The following SLC5A11 variants were observed in gnomAD, a reference collection of about 807,000 sequenced individuals.
SLC5A11 encodes sodium/myo-inositol cotransporter 2.
SLC5A11 carries 48 observed loss-of-function variants against 69.8 expected under a neutral mutation model. The observed-to-expected ratio is 0.69, with a 90% confidence interval of 0.55 to 0.87. The LOEUF (loss-of-function observed/expected upper bound fraction) is 0.87, where lower values mean the gene tolerates loss of function less well. Among genes scored for constraint, SLC5A11 ranks in the 40% least tolerant of loss-of-function variants. The pLI, the probability that SLC5A11 is intolerant of heterozygous loss-of-function variation, is 0.00. For synonymous variants in SLC5A11, 319 were observed against 342.4 expected, an observed-to-expected ratio of 0.93 and a Z score of 0.75; for missense variants, 784 against 866.1, an observed-to-expected ratio of 0.91 and a Z score of 1.19.
At chr16:24,908,900 T>C in exon 14 of SLC5A11, 5 of 1,613,786 alleles carry the variant, frequency 3.1e-6, no homozygotes, top group Non-Finnish European at 4.2e-6. Context: ...TGGGGCCTGA[T>C]CTCGGGCCTG....
At chr16:24,904,122 C>T (rs1223429726) in intron 10 of SLC5A11, among the ~76,000 whole-genome samples, 1 of 152,174 alleles carries the variant, frequency 6.6e-6, no homozygotes, top group Non-Finnish European at 1.5e-5. Context: ...ATCATGAGTA[C>T]ACAAGGGGGA....
intron 7 of SLC5A11, among the ~76,000 whole-genome samples, chr16:24,881,696 A>G (rs900247636): frequency 9.9e-5 from 15 of 152,266 alleles, no homozygotes; most frequent in African/African-American, 2.6e-4. Flanking sequence ...TTCCAGGCTG[A>G]GAGAAGGGCT....
intron 1 of SLC5A11, among the ~76,000 whole-genome samples, chr16:24,853,508 C>T (rs1436785044): frequency 6.6e-6 from 1 of 152,024 alleles, no homozygotes; most frequent in Non-Finnish European, 1.5e-5. Flanking sequence ...CAGGGCCTGG[C>T]ATGGAGCCTG....
chr16:24,891,367 G>A (rs2048798178), intron 9 of SLC5A11, among the ~76,000 whole-genome samples: 1 of 147,894 alleles, frequency 6.8e-6, no homozygotes, highest in South Asian at 2.2e-4. Context: ...CAGGCTGGAA[G>A]GCAGAGGCAC....
intron 5 of SLC5A11, among the ~76,000 whole-genome samples, chr16:24,874,117 G>T (rs148373788): frequency 6.6e-6 from 1 of 152,236 alleles, no homozygotes; most frequent in African/African-American, 2.4e-5. Flanking sequence ...GTGAGCCACC[G>T]CACCCAGCTT....
chr16:24,899,146 A>G (rs1412913817), intron 10 of SLC5A11, among the ~76,000 whole-genome samples: 1 of 152,112 alleles, frequency 6.6e-6, no homozygotes, highest in Non-Finnish European at 1.5e-5. Flanking sequence ...GATGAGACTG[A>G]GGCATCTCTG....
At chr16:24,885,614 C>T (rs2048340321) in intron 8 of SLC5A11, among the ~76,000 whole-genome samples, 1 of 139,708 alleles carries the variant, frequency 7.2e-6, no homozygotes, top group Admixed American at 7.5e-5. Context: ...TGCCACTGCA[C>T]TCCGGCCTGG....
At chr16:24,878,748 T>A (rs966910198) in intron 7 of SLC5A11, among the ~76,000 whole-genome samples, 1 of 152,058 alleles carries the variant, frequency 6.6e-6, no homozygotes, top group African/African-American at 2.4e-5. Flanking sequence ...ATAAATAATG[T>A]TAGGCCAGGT....
intron 1 of SLC5A11, among the ~76,000 whole-genome samples, chr16:24,857,772 G>T (rs2059597120): frequency 6.6e-6 from 1 of 152,154 alleles, no homozygotes; most frequent in South Asian, 2.1e-4. Context: ...AATTTTAAGT[G>T]ATTTGACTAC....
chr16:24,897,911 G>A, intron 9 of SLC5A11, 63 bp from the exon 11 acceptor site: 3 of 1,575,340 alleles, frequency 1.9e-6, no homozygotes, highest in Non-Finnish European at 2.6e-6. Context: ...GATGAGATTT[G>A]GGTGGGGACA....
At chr16:24,903,917 G>A (rs990919319) in intron 10 of SLC5A11, among the ~76,000 whole-genome samples, 1 of 152,156 alleles carries the variant, frequency 6.6e-6, no homozygotes. Flanking sequence ...CTGAGACTGG[G>A]TAATTTATAA....
chr16:24,849,108 G>A (rs2059152867), intron 1 of SLC5A11, among the ~76,000 whole-genome samples: 2 of 152,196 alleles, frequency 1.3e-5, no homozygotes, highest in Non-Finnish European at 2.9e-5. Context: ...CACTTGATAA[G>A]TGAACAAATG....
chr16:24,871,461 G>A (rs1202799574), intron 4 of SLC5A11, among the ~76,000 whole-genome samples: 4 of 151,902 alleles, frequency 2.6e-5, no homozygotes, highest in African/African-American at 4.8e-5. Flanking sequence ...TTGTAGAGAC[G>A]GGAATTTCAC....
intron 1 of SLC5A11, among the ~76,000 whole-genome samples, chr16:24,854,988 G>T (rs939987468): frequency 6.6e-6 from 1 of 151,318 alleles, no homozygotes. Flanking sequence ...TTTGTTTGTG[G>T]CAAGGTCTTG....
At chr16:24,871,498 C>T (rs2152302799) in intron 4 of SLC5A11, among the ~76,000 whole-genome samples, 1 of 152,164 alleles carries the variant, frequency 6.6e-6, no homozygotes, top group South Asian at 2.1e-4. Context: ...GTCTTAAACT[C>T]CTGGGTGCAA....
At chr16:24,872,445 G>C (rs2047366877) in intron 5 of SLC5A11, among the ~76,000 whole-genome samples, 1 of 152,140 alleles carries the variant, frequency 6.6e-6, no homozygotes, top group Non-Finnish European at 1.5e-5. Context: ...CACACAGAAG[G>C]CATTTGGAGG....
chr16:24,904,699 T>A (rs2049887136), intron 10 of SLC5A11, among the ~76,000 whole-genome samples: 1 of 152,186 alleles, frequency 6.6e-6, no homozygotes, highest in South Asian at 2.1e-4. Flanking sequence ...CTAAAAGTAT[T>A]TTCTGATCCT....
At position 24,906,730 on chromosome 16, in the gene SLC5A11, G is replaced by A. The variant is rs540504136; in HGVS notation, c.1080G>A (p.Ala360=). 7.5e-5 allele frequency: 121 copies of A among 1,613,466 alleles called. 1 individual carries two copies. Among genetic ancestry groups the A allele is most frequent in the South Asian group, 7.5e-4 (68 of 90,992 alleles). The change falls in exon 11 of 16, where the codon GCG becomes GCA. Residue 360 remains alanine, a synonymous_variant. Transcript: ENST00000347898. The stretch of plus-strand genomic sequence containing the variant: ...ACCCCTCAGGCTGTTCGGACATCGC[G>A]TATCCCAAACTCGTGCTGGAACTCC...
Position 24,908,917 on chromosome 16 carries a change from G to A in SLC5A11, c.1471G>A (p.Gly491Ser), listed in dbSNP as rs745733006. The A allele has an allele frequency of 3.2e-5, 52 of 1,613,782 alleles. 2 individuals carry two copies. The Middle Eastern group carries it at 1.8e-3, about 56-fold the overall frequency. ...GGGCCTGATCTCGGGCCTGCTCCTGGGCTTGGTTAGGCTGGTCCTGGACTT... is the reference window on the plus strand; with the variant it reads ...GGGCCTGATCTCGGGCCTGCTCCTGAGCTTGGTTAGGCTGGTCCTGGACTT... Residue 491 changes from glycine to serine, a missense_variant, in exon 14 of 16, where the codon GGC becomes AGC. Coordinates refer to ENST00000347898, the Ensembl canonical transcript of SLC5A11.
Sources: gnomAD v4.1 joint callset for allele counts (sites outside exome capture counted in the v4.1 genomes callset) on GRCh38, gnomAD v4.1.1 for gene constraint, MANE v1.5 for transcripts, NCBI Gene and HGNC (gene_info 2026-07-23, HGNC 2026-07-21) for gene names.